Variants in DUSP8 observed in about 807,000 individuals in gnomAD.
The protein encoded by DUSP8 is dual specificity phosphatase 8.
A neutral mutation model predicts 38.7 loss-of-function variants in DUSP8; 15 were observed. That is an observed-to-expected ratio of 0.39 (90% CI 0.26 to 0.60). The LOEUF is 0.60. Ranked by LOEUF, DUSP8 falls within the 20% of genes least tolerant of loss-of-function variation. DUSP8 has a pLI of 0.56. For missense variants in DUSP8, 768 were observed against 915.0 expected (o/e 0.84, Z 2.07); for synonymous variants, 458 against 433.9 (o/e 1.06, Z -0.69).
intron 1 of DUSP8, among the ~76,000 whole-genome samples, chr11:1,570,677 G>T (rs1315666682): frequency 6.6e-6 from 1 of 152,182 alleles, no homozygotes; most frequent in Non-Finnish European, 1.5e-5. Flanking sequence ...GTATTTCAGC[G>T]AGACTTCAGG....
At position 1,556,380 on chromosome 11, in the gene DUSP8, C is replaced by T. The variant is rs1170506139; in HGVS notation, c.*138G>A. 2.6e-6 allele frequency: 3 copies of T among 1,156,878 alleles called. No individual in the cohort carries two copies. The highest frequency in any genetic ancestry group is 3.3e-6 in the Non-Finnish European group (3 of 920,792). The allele number at this position is 1,156,878 out of a possible 1,614,324, so 71.7% of individuals were successfully genotyped here. On this transcript the variant is annotated 3_prime_UTR_variant, in exon 7 of 7. Coordinates refer to ENST00000397374, the MANE Select transcript of DUSP8 (RefSeq NM_004420.3). This position sits in a 1 kb window ranked among gnomAD's most constrained non-coding sequence, Gnocchi z 5.2. ...GCCAAATCATTGCCAGAATGAACAG[C>T]TTAAATAAATAAAAAATCGAAATAT...
In DUSP8 at chr11:1,558,112, C is replaced by T. The variant is rs1225509498; in HGVS notation, c.697G>A (p.Asp233Asn). 3 of 1,611,928 alleles carry T rather than the reference C, an allele frequency of 1.9e-6. No individual in the cohort carries two copies. Among genetic ancestry groups the T allele is most frequent in the Non-Finnish European group, 2.5e-6 (3 of 1,179,846 alleles). The change falls in exon 5 of 7, where the codon GAT becomes AAT. Residue 233 changes from aspartate to asparagine, a missense_variant and splice_region_variant. Asp to Asn is a conservative substitution (Grantham distance 23). Coordinates refer to ENST00000397374, the MANE Select transcript of DUSP8 (RefSeq NM_004420.3). The surrounding 1 kb of genome is among the most constrained non-coding windows in gnomAD (Gnocchi z 6.3). ...PWLDKSIEFI[D>N]KAKLSSCQVI... ...TGCCCTCCGCCCACCGCAGACTCAC[C>T]GATGAACTCGATGGACTTGTCCAGC...
rs776800306 is a variant in DUSP8 at position 1,557,362 on chromosome 11, G to A, written c.1034C>T (p.Ala345Val). 21 of 1,560,200 alleles carry A rather than the reference G, an allele frequency of 1.3e-5. No individual in the cohort carries two copies. Among genetic ancestry groups the A allele is most frequent in the African/African-American group, 4.3e-5 (3 of 70,100 alleles). ...PTSESAATGNAAAREGGLSAG... is the reference protein window; with the variant it reads ...PTSESAATGNVAAREGGLSAG... ...GCTCAGGCCGCCCTCCCTGGCAGCC[G>A]CATTCCCTGTGGCAGCGCTCTCTGA... The change falls in exon 7 of 7, where the codon GCG (alanine) becomes GTG (valine). Residue 345 changes from alanine (A) to valine (V), a missense_variant. Ala to Val is a moderately conservative substitution (Grantham distance 64). Coordinates refer to ENST00000397374, the MANE Select transcript of DUSP8 (RefSeq NM_004420.3). This position sits in a 1 kb window ranked among gnomAD's most constrained non-coding sequence, Gnocchi z 9.9.
chr11:1,565,383 G>A (rs1373690423), intron 2 of DUSP8, among the ~76,000 whole-genome samples: 1 of 152,224 alleles, frequency 6.6e-6, no homozygotes, highest in Non-Finnish European at 1.5e-5. Flanking sequence ...GAAGGGTGCT[G>A]CGGGCGGGGG....
intron 2 of DUSP8, among the ~76,000 whole-genome samples, chr11:1,565,104 A>C (rs1046575569): frequency 1.3e-5 from 2 of 152,118 alleles, no homozygotes; most frequent in Admixed American, 6.5e-5. Flanking sequence ...GGCTGGGGGA[A>C]GCTGTGGGAC....
chr11:1,558,190 G>A lies in DUSP8; in HGVS notation c.619C>T (p.Arg207Cys), dbSNP rs1226401823. 6 of 1,612,012 alleles carry A rather than the reference G, an allele frequency of 3.7e-6. No homozygotes were observed. Among genetic ancestry groups the A allele is most frequent in the South Asian group, 1.1e-5 (1 of 90,990 alleles). The change falls in exon 5 of 7, where the codon CGC becomes TGC. Residue 207 changes from arginine to cysteine, a missense_variant. By Grantham distance (180) the Arg-to-Cys change is radical. Transcript: ENST00000397374. The surrounding 1 kb of genome is among the most constrained non-coding windows in gnomAD (Gnocchi z 6.3). ...CPKPDFICES[R>C]FMRVPINDNY... ...TCGTTGATGGGGACCCGCATGAAGCGGCTCTCGCAGATGAAGTCAGGCTTG... is the reference window on the plus strand; with the variant it reads ...TCGTTGATGGGGACCCGCATGAAGCAGCTCTCGCAGATGAAGTCAGGCTTG...
At position 1,557,908 on chromosome 11, in the gene DUSP8, T is replaced by C. The variant is rs1848661357; in HGVS notation, c.707A>G (p.Lys236Arg). ...DKSIEFIDKA[K>R]LSSCQVIVHC... is the part of the protein sequence containing the mutation. ...GACGATGACTTGGCAGCTGGAGAGC[T>C]TGGCTTTATCTGGGCAGGTGGGCCA... Residue 236 changes from lysine (K) to arginine (R), a missense_variant, in exon 6 of 7, where the codon AAG (lysine) becomes AGG (arginine). Transcript: ENST00000397374. This position sits in a 1 kb window ranked among gnomAD's most constrained non-coding sequence, Gnocchi z 9.9. 1 of 1,613,752 alleles carries C rather than the reference T, an allele frequency of 6.2e-7. No homozygotes were observed. The highest frequency in any genetic ancestry group is 1.1e-5 in the South Asian group (1 of 91,072).
chr11:1,557,361 C>T lies in DUSP8; in HGVS notation c.1035G>A (p.Ala345=), dbSNP rs771327377. ...CGCTCAGGCCGCCCTCCCTGGCAGC[C>T]GCATTCCCTGTGGCAGCGCTCTCTG... is the stretch of plus-strand genomic sequence containing the variant. ...PTSESAATGN[A]AAREGGLSAG... is the part of the protein sequence containing the mutation. Residue 345 remains alanine, a synonymous_variant, in exon 7 of 7, where the codon GCG becomes GCA. Transcript: ENST00000397374. The surrounding 1 kb of genome is among the most constrained non-coding windows in gnomAD (Gnocchi z 9.9). 7.0e-6 allele frequency: 11 copies of T among 1,560,998 alleles called. No individual in the cohort carries two copies. Among genetic ancestry groups the T allele is most frequent in the African/African-American group, 2.8e-5 (2 of 70,194 alleles).
chr11:1,561,460 G>A (rs1203332315), intron 3 of DUSP8, among the ~76,000 whole-genome samples: 1 of 152,226 alleles, frequency 6.6e-6, no homozygotes, highest in Non-Finnish European at 1.5e-5. Flanking sequence ...CACTTGCAGT[G>A]CAGTCGCCCG....
In DUSP8 at chr11:1,565,902, G is replaced by A. The variant is rs544076235; in HGVS notation, c.-76C>T. ...GCTCCGACGGCCCAGGTGTGGCCTC[G>A]CGCTGGGAGTGACCTAGCACATGGT... is the stretch of plus-strand genomic sequence containing the variant. On this transcript the variant is annotated 5_prime_UTR_variant, in exon 2 of 7. Coordinates refer to ENST00000397374, the MANE Select transcript of DUSP8 (RefSeq NM_004420.3). 1,198 of 1,250,372 alleles carry A rather than the reference G, an allele frequency of 9.6e-4. 11 individuals are homozygous for A. Among genetic ancestry groups the A allele is most frequent in the Middle Eastern group, 8.2e-4 (3 of 3,672 alleles). 77.5% of individuals were successfully genotyped at this position (1,250,372 alleles called of 1,614,324 possible).
chr11:1,566,222 C>A (rs189159381), intron 1 of DUSP8, among the ~76,000 whole-genome samples: 10 of 152,198 alleles, frequency 6.6e-5, no homozygotes, highest in Non-Finnish European at 1.3e-4. Flanking sequence ...CTTAGGCATT[C>A]CAGAACATTC....
chr11:1,569,741 G>C (rs909632687), intron 1 of DUSP8, among the ~76,000 whole-genome samples: 1 of 152,110 alleles, frequency 6.6e-6, no homozygotes, highest in African/African-American at 2.4e-5. Flanking sequence ...CCTAGAAATG[G>C]GGACTCACTA....
intron 3 of DUSP8, among the ~76,000 whole-genome samples, chr11:1,560,774 C>T (rs955994924): frequency 2.6e-5 from 4 of 152,334 alleles, no homozygotes; most frequent in Non-Finnish European, 5.9e-5. Context: ...CACCACTTCT[C>T]TGCAGACTCT....
In DUSP8 at chr11:1,554,976, T is replaced by G. The variant is rs947222616; in HGVS notation, c.*1542A>C. On this transcript the variant is annotated 3_prime_UTR_variant, in exon 7 of 7. Coordinates refer to ENST00000397374, the MANE Select transcript of DUSP8 (RefSeq NM_004420.3). ...AGCTGTGGGTGAAAAGAAGAACAAA[T>G]AGAAGAAACAGCAGAGAGGGCGGCT... The G allele has an allele frequency of 2.0e-6, 2 of 986,016 alleles. No homozygotes were observed. Among genetic ancestry groups the G allele is most frequent in the Non-Finnish European group, 2.4e-6 (2 of 830,206 alleles). The allele number at this position is 986,016 out of a possible 1,614,324, so 61.1% of individuals were successfully genotyped here. A position where few individuals can be genotyped will look rare whatever the true frequency, so the allele number is the denominator to read the frequency against.
Position 1,557,886 on chromosome 11 carries a change from G to T in DUSP8, c.729C>A (p.Ile243=), listed in dbSNP as rs753062218. The change falls in exon 6 of 7, where the codon ATC becomes ATA. Residue 243 remains isoleucine (I), a synonymous_variant. Coordinates refer to ENST00000397374, the MANE Select transcript of DUSP8 (RefSeq NM_004420.3). The surrounding 1 kb of genome is among the most constrained non-coding windows in gnomAD (Gnocchi z 9.9). ...GGGAGATGCCAGCCAGACAGTGGAC[G>T]ATGACTTGGCAGCTGGAGAGCTTGG... ...DKAKLSSCQV[I]VHCLAGISRS... is the part of the protein sequence containing the mutation. 6.2e-7 allele frequency: 1 copy of T among 1,613,900 alleles called. No individual in the cohort carries two copies. Among genetic ancestry groups the T allele is most frequent in the Non-Finnish European group, 8.5e-7 (1 of 1,180,026 alleles).
chr11:1,561,078 C>T (rs1419911791), intron 3 of DUSP8, among the ~76,000 whole-genome samples: 1 of 152,146 alleles, frequency 6.6e-6, no homozygotes, highest in African/African-American at 2.4e-5. Flanking sequence ...ACCGAGGCTC[C>T]AGGGATTTCA....
At chr11:1,570,810 C>A (rs1848876945) in intron 1 of DUSP8, among the ~76,000 whole-genome samples, 2 of 152,086 alleles carry the variant, frequency 1.3e-5, no homozygotes. Flanking sequence ...ACCCCTGGAC[C>A]GCCCTAGGTG....
At position 1,555,538 on chromosome 11, in the gene DUSP8, T is replaced by G; in HGVS notation, c.*980A>C. 4 of 878,938 alleles carry G rather than the reference T, an allele frequency of 4.6e-6. No homozygotes were observed. The highest frequency in any genetic ancestry group is 5.5e-6 in the Non-Finnish European group (4 of 732,306). 54.4% of individuals were successfully genotyped at this position (878,938 alleles called of 1,614,324 possible). A position where few individuals can be genotyped will look rare whatever the true frequency, so the allele number is the denominator to read the frequency against. On this transcript the variant is annotated 3_prime_UTR_variant, in exon 7 of 7. Transcript: ENST00000397374. ...GAACCCTAAGACCACCCCCTCCTCA[T>G]ACCTGGGGGTCCAGGGCTTCCTGCC...
intron 2 of DUSP8, among the ~76,000 whole-genome samples, chr11:1,564,574 A>C (rs1321536090): frequency 6.7e-6 from 1 of 149,532 alleles, no homozygotes; most frequent in Non-Finnish European, 1.5e-5. Context: ...CTCCTCCCCC[A>C]CCCCAAGGGC....
Sources: allele counts gnomAD v4.1 joint callset (sites outside exome capture counted in the v4.1 genomes callset), GRCh38; gene constraint gnomAD v4.1.1; non-coding constraint Gnocchi (gnomAD v3.1); transcripts MANE v1.5; gene names NCBI Gene and HGNC (gene_info 2026-07-23, HGNC 2026-07-21).